The following HS2ST1 variants were observed in gnomAD, a reference collection of about 807,000 sequenced individuals.
HS2ST1 encodes heparan sulfate 2-O-sulfotransferase 1, also known as 2-O-sulfotransferase.
A neutral mutation model predicts 42.9 loss-of-function variants in HS2ST1; 18 were observed. The ratio of observed to expected loss-of-function variants is 0.42; its 90% CI spans 0.29 to 0.62. The LOEUF is 0.62. Ranked by LOEUF, HS2ST1 falls within the 20% of genes least tolerant of loss-of-function variation. The probability of loss-of-function intolerance (pLI) is 0.21; values close to 1 mark genes in which losing one functional copy is unlikely to be tolerated. For synonymous variants in HS2ST1, 146 were observed against 152.9 expected (o/e 0.95, Z 0.33); for missense variants, 334 against 433.8 (o/e 0.77, Z 2.04).
intron 1 of HS2ST1, among the ~76,000 whole-genome samples, chr1:86,997,438 T>C (rs770195052): frequency 1.3e-5 from 2 of 152,188 alleles, no homozygotes; most frequent in Non-Finnish European, 2.9e-5. Flanking sequence ...ACTGAAGCCA[T>C]TATCTAAAAA....
intron 1 of HS2ST1, among the ~76,000 whole-genome samples, chr1:86,919,520 A>T (rs1158963169): frequency 6.6e-6 from 1 of 152,176 alleles, no homozygotes; most frequent in Non-Finnish European, 1.5e-5. Flanking sequence ...TTCCAACTGT[A>T]TGTTAACATT....
intron 1 of HS2ST1, among the ~76,000 whole-genome samples, chr1:86,983,612 T>G (rs1413263678): frequency 6.6e-6 from 1 of 152,194 alleles, no homozygotes; most frequent in Non-Finnish European, 1.5e-5. Context: ...TTTGAATAAC[T>G]GTAATTGTGA....
At chr1:86,922,945 A>G (rs1479518649) in intron 1 of HS2ST1, among the ~76,000 whole-genome samples, 3 of 152,114 alleles carry the variant, frequency 2.0e-5, no homozygotes, top group African/African-American at 7.2e-5. Flanking sequence ...CCTCTCAGGA[A>G]CTCAAAATAC....
In HS2ST1 at chr1:86,990,832, ATATATTTTTTT is replaced by A. The variant is rs1350731005; in HGVS notation, c.124+75674_124+75684del. On this transcript the variant is annotated intron_variant, in intron 1 of 6. Transcript: ENST00000370550. ...TAATTTTATATATATATATATATAT[ATATATTTTTTT>A]TTTTTTTTTTTTTTTTAGTAGAGAT... Among the ~76,000 whole-genome samples, 104 of 17,800 alleles carry A rather than the reference ATATATTTTTTT, an allele frequency of 5.8e-3. 3 individuals are homozygous for A. The highest frequency in any genetic ancestry group is 0.018 in the East Asian group (3 of 170). 11.7% of individuals were successfully genotyped at this position (17,800 alleles called of 152,430 possible).
Position 87,041,254 on chromosome 1 carries a change from A to T in HS2ST1, c.125-31680A>T, listed in dbSNP as rs1038177944. Among the ~76,000 whole-genome samples the T allele has an allele frequency of 4.7e-5, 5 of 106,188 alleles. No homozygotes were observed. In the East Asian group the frequency reaches 1.3e-3, roughly 28 times the overall value. 69.7% of individuals were successfully genotyped at this position (106,188 alleles called of 152,430 possible). A position where few individuals can be genotyped will look rare whatever the true frequency, so the allele number is the denominator to read the frequency against. On this transcript the variant is annotated intron_variant, in intron 1 of 6. Transcript: ENST00000370550. ...AAAAAAAAAAAACAAAAAAAAAAAA[A>T]GTGTGCACCTGTACTCCTAGCTACT...
intron 1 of HS2ST1, among the ~76,000 whole-genome samples, chr1:86,971,330 G>T (rs753902610): frequency 6.6e-6 from 1 of 152,032 alleles, no homozygotes; most frequent in African/African-American, 2.4e-5. Flanking sequence ...AAACCTTGGC[G>T]GTTTAGTTAT....
intron 1 of HS2ST1, among the ~76,000 whole-genome samples, chr1:87,051,631 C>G (rs550837422): frequency 6.6e-6 from 1 of 152,076 alleles, no homozygotes; most frequent in Non-Finnish European, 1.5e-5. Flanking sequence ...ACAATTAAAA[C>G]TCAAATTATG....
chr1:86,963,860 G>T (rs1273386144), intron 1 of HS2ST1, among the ~76,000 whole-genome samples: 2 of 147,756 alleles, frequency 1.4e-5, no homozygotes, highest in African/African-American at 5.0e-5. Context: ...CCGCCCGGAC[G>T]GGGTGGCTGG....
At chr1:86,919,036 G>A (rs1177592817) in intron 1 of HS2ST1, among the ~76,000 whole-genome samples, 1 of 151,362 alleles carries the variant, frequency 6.6e-6, no homozygotes, top group African/African-American at 2.4e-5. Context: ...GAGTGCAGTG[G>A]CACGATTTCG....
At chr1:87,083,050 A>T (rs1331958699) in intron 2 of HS2ST1, among the ~76,000 whole-genome samples, 3 of 152,114 alleles carry the variant, frequency 2.0e-5, no homozygotes, top group Non-Finnish European at 4.4e-5. Context: ...CCTAAAGATA[A>T]ATTATCCCAG....
intron 1 of HS2ST1, among the ~76,000 whole-genome samples, chr1:86,949,557 G>A (rs751296086): frequency 1.3e-5 from 2 of 152,174 alleles, no homozygotes; most frequent in African/African-American, 4.8e-5. Flanking sequence ...GTGACAGAGC[G>A]AGACTGCATC....
At chr1:87,002,172 A>G (rs1243751562) in intron 1 of HS2ST1, among the ~76,000 whole-genome samples, 7 of 152,126 alleles carry the variant, frequency 4.6e-5, no homozygotes, top group Non-Finnish European at 1.0e-4. Context: ...TCAGCCTCCC[A>G]AAGTGCTGGG....
chr1:87,107,496 T>C lies in HS2ST1; in HGVS notation c.*2800T>C, dbSNP rs1459967268. 1 of 152,010 alleles carries C rather than the reference T, an allele frequency of 6.6e-6. No homozygotes were observed. The highest frequency in any genetic ancestry group is 1.5e-5 in the Non-Finnish European group (1 of 67,934). 9.4% of individuals were successfully genotyped at this position (152,010 alleles called of 1,614,324 possible). Reference sequence around the variant, plus strand: ...AGAACCACTGAGACAATAATGTATTTTTTTAAAGTGGCAAATGTGGTTTTC... The same window carrying C: ...AGAACCACTGAGACAATAATGTATTCTTTTAAAGTGGCAAATGTGGTTTTC... On this transcript the variant is annotated 3_prime_UTR_variant, in exon 7 of 7. Coordinates refer to ENST00000370550, the MANE Select transcript of HS2ST1 (RefSeq NM_012262.4).
At chr1:87,044,442 T>A (rs892453453) in intron 1 of HS2ST1, among the ~76,000 whole-genome samples, 1 of 152,148 alleles carries the variant, frequency 6.6e-6, no homozygotes, top group Non-Finnish European at 1.5e-5. Flanking sequence ...TTGTTTTACA[T>A]TAATATACAT....
At chr1:87,037,641 T>C (rs1650413965) in intron 1 of HS2ST1, among the ~76,000 whole-genome samples, 1 of 151,816 alleles carries the variant, frequency 6.6e-6, no homozygotes, top group Non-Finnish European at 1.5e-5. Context: ...ATCCTCTGTC[T>C]TGTATAAAGT....
chr1:87,081,229 A>G (rs1651679457), intron 2 of HS2ST1, among the ~76,000 whole-genome samples: 1 of 152,232 alleles, frequency 6.6e-6, no homozygotes. Context: ...ATATTTACAG[A>G]ACATTTCATG....
chr1:87,035,401 C>T (rs1351781427), intron 1 of HS2ST1, among the ~76,000 whole-genome samples: 1 of 152,142 alleles, frequency 6.6e-6, no homozygotes, highest in Non-Finnish European at 1.5e-5. Context: ...TTCATGTACT[C>T]AGGGAGAATA....
At chr1:87,087,629 TAATA>T (rs1651846261) in intron 3 of HS2ST1, among the ~76,000 whole-genome samples, 4 of 152,136 alleles carry the variant, frequency 2.6e-5, no homozygotes, top group Admixed American at 2.0e-4. Context: ...TAGAATTAGT[TAATA>T]TATAGAGTCA....
chr1:87,011,898 A>G (rs1179449803), intron 1 of HS2ST1, among the ~76,000 whole-genome samples: 2 of 152,214 alleles, frequency 1.3e-5, no homozygotes, highest in Non-Finnish European at 2.9e-5. Flanking sequence ...TAGCTAGGAC[A>G]TACGGTTTTA....
Sources: allele counts gnomAD v4.1 joint callset (sites outside exome capture counted in the v4.1 genomes callset), GRCh38; gene constraint gnomAD v4.1.1; transcripts MANE v1.5; gene names NCBI Gene and HGNC (gene_info 2026-07-23, HGNC 2026-07-21).